Variants in DDX46 observed in about 807,000 individuals in gnomAD.
DDX46 encodes the protein probable ATP-dependent RNA helicase DDX46.
DDX46 carries 30 observed loss-of-function variants against 134.9 expected under a neutral mutation model. The observed-to-expected ratio is 0.22, with a 90% CI of 0.17 to 0.30. The LOEUF (loss-of-function observed/expected upper bound fraction) is 0.30, where lower values mean the gene tolerates loss of function less well. Among genes scored for constraint, DDX46 ranks in the 10% least tolerant of loss-of-function variants. The pLI is 1.00. For missense variants in DDX46, 622 were observed against 1,248.7 expected (o/e 0.50, Z 7.56); for synonymous variants, 415 against 404.1 (o/e 1.03, Z -0.32).
In DDX46 at chr5:134,830,213, A is replaced by G. The variant is rs1308540836; in HGVS notation, c.*1507A>G. Reference sequence around the variant, plus strand: ...AAAAAGAATGTAAAATTTTAAAAATACAGTTTAACAGCTGTAAAAGTTTTA... The same window carrying G: ...AAAAAGAATGTAAAATTTTAAAAATGCAGTTTAACAGCTGTAAAAGTTTTA... On this transcript the variant is annotated 3_prime_UTR_variant, in exon 23 of 23. Coordinates refer to ENST00000452510, the MANE Select transcript of DDX46 (RefSeq NM_001300860.2). 2 of 151,984 alleles carry G rather than the reference A, an allele frequency of 1.3e-5. No individual in the cohort carries two copies. The highest frequency in any genetic ancestry group is 2.9e-5 in the Non-Finnish European group (2 of 67,978). 9.4% of individuals were successfully genotyped at this position (151,984 alleles called of 1,614,324 possible).
intron 15 of DDX46, chr5:134,797,197 A>AAAAAAAAAC: frequency 3.7e-6 from 1 of 269,810 alleles, no homozygotes; most frequent in South Asian, 3.8e-5. Flanking sequence ...AAAAAAAAAA[A>AAAAAAAAAC]CACAAAACAC....
chr5:134,793,995 G>A (rs1754580298), intron 13 of DDX46, among the ~76,000 whole-genome samples: 1 of 152,074 alleles, frequency 6.6e-6, no homozygotes, highest in Non-Finnish European at 1.5e-5. Context: ...AAAAATTAAG[G>A]CAGAGGGAAG....
chr5:134,792,993 A>C (rs1754548093), intron 13 of DDX46, among the ~76,000 whole-genome samples: 1 of 151,960 alleles, frequency 6.6e-6, no homozygotes, highest in Non-Finnish European at 1.5e-5. Flanking sequence ...TCGTCTCTAC[A>C]AAAAAATATA....
At chr5:134,778,294 A>G (rs1754011940) in intron 6 of DDX46, among the ~76,000 whole-genome samples, 2 of 152,286 alleles carry the variant, frequency 1.3e-5, no homozygotes, top group East Asian at 1.9e-4. Context: ...CTTGGATTAC[A>G]GGCATGAGCC....
rs1753986926 is a variant in DDX46, at chr5:134,777,622, A to C, written c.662A>C (p.Glu221Ala). Residue 221 changes from glutamate to alanine, a missense_variant, in exon 6 of 23, where the codon GAG (glutamate) becomes GCG (alanine). This residue lies in a region of DDX46 where 244 missense variants were observed against 349.3 expected (regional missense o/e 0.70). Transcript: ENST00000452510. ...GCTGAAAAGGAGGGAAATGAAATGGAGGGTGAGGAGTTAGATCCATTAGAT... is the reference window on the plus strand; with the variant it reads ...GCTGAAAAGGAGGGAAATGAAATGGCGGGTGAGGAGTTAGATCCATTAGAT... ...AEAEKEGNEMEGEELDPLDAY... is the reference protein window; with the variant it reads ...AEAEKEGNEMAGEELDPLDAY... 1.2e-6 allele frequency: 2 copies of C among 1,613,688 alleles called. No homozygotes were observed. Among genetic ancestry groups the C allele is most frequent in the Non-Finnish European group, 1.7e-6 (2 of 1,179,946 alleles).
intron 15 of DDX46, among the ~76,000 whole-genome samples, chr5:134,803,798 G>A (rs1421135829): frequency 2.6e-5 from 4 of 151,836 alleles, no homozygotes; most frequent in Non-Finnish European, 5.9e-5. Context: ...TAGTAAGGAA[G>A]TTGTTTCCCG....
chr5:134,781,884 T>C, intron 7 of DDX46, 37 bp from the exon 8 acceptor site: 2 of 1,573,440 alleles, frequency 1.3e-6, no homozygotes, highest in South Asian at 1.2e-5. Context: ...AAAATAGTAA[T>C]GAACTTAGCG....
intron 18 of DDX46, among the ~76,000 whole-genome samples, chr5:134,816,210 T>A (rs1755284694): frequency 6.6e-6 from 1 of 152,196 alleles, no homozygotes; most frequent in African/African-American, 2.4e-5. Context: ...TGTTTTCTAT[T>A]TTTCTCCCTA....
At chr5:134,815,124 C>T (rs540351000) in intron 18 of DDX46, among the ~76,000 whole-genome samples, 1 of 152,296 alleles carries the variant, frequency 6.6e-6, no homozygotes, top group East Asian at 1.9e-4. Flanking sequence ...CTAGTGCACG[C>T]TGTGGTCCTA....
chr5:134,809,056 T>C (rs975822219), intron 16 of DDX46, among the ~76,000 whole-genome samples: 4 of 152,206 alleles, frequency 2.6e-5, no homozygotes, highest in African/African-American at 9.6e-5. Context: ...TACTCTATTT[T>C]ATAGATGAGA....
intron 13 of DDX46, among the ~76,000 whole-genome samples, chr5:134,792,524 A>C (rs947434898): frequency 1.3e-5 from 2 of 152,212 alleles, no homozygotes; most frequent in African/African-American, 4.8e-5. Context: ...GATGGAACAC[A>C]GTCACATGCC....
intron 12 of DDX46, among the ~76,000 whole-genome samples, chr5:134,789,654 T>G (rs3804450): frequency 6.6e-6 from 1 of 152,150 alleles, no homozygotes; most frequent in East Asian, 1.9e-4. Flanking sequence ...TAATTTTACC[T>G]TTTTCTCTTA....
intron 7 of DDX46, 83 bp downstream of exon 7, chr5:134,781,329 A>C: frequency 1.9e-6 from 2 of 1,065,586 alleles, no homozygotes; most frequent in Non-Finnish European, 1.4e-6. Flanking sequence ...TGTGCGTTTC[A>C]TTTGTGTGAG....
At chr5:134,776,117 C>T (rs1436491445) in intron 5 of DDX46, among the ~76,000 whole-genome samples, 12 of 152,158 alleles carry the variant, frequency 7.9e-5, no homozygotes, top group African/African-American at 2.2e-4. Context: ...AGAGGCTGGG[C>T]GCGCTGGTGC....
chr5:134,788,115 CTA>C (rs1754395445), intron 11 of DDX46, among the ~76,000 whole-genome samples: 1 of 151,148 alleles, frequency 6.6e-6, no homozygotes, highest in Admixed American at 6.6e-5. Flanking sequence ...AAACACTAGT[CTA>C]TGTGGTCACT....
At chr5:134,804,885 G>A (rs1561868792) in intron 15 of DDX46, 2 of 376,114 alleles carry the variant, frequency 5.3e-6, no homozygotes, top group East Asian at 1.2e-4. Flanking sequence ...TAACACACAT[G>A]GAACCACCAT....
chr5:134,812,346 T>C (rs1420053828), intron 18 of DDX46, among the ~76,000 whole-genome samples: 1 of 152,134 alleles, frequency 6.6e-6, no homozygotes, highest in South Asian at 2.1e-4. Flanking sequence ...ATTACAGGCG[T>C]GAGCCACCTC....
chr5:134,826,925 A>G, intron 21 of DDX46, 22 bp from the exon 22 acceptor site: 1 of 1,608,560 alleles, frequency 6.2e-7, no homozygotes, highest in Non-Finnish European at 8.5e-7. Flanking sequence ...TTTGAATAAT[A>G]TGCTTTCCAC....
intron 12 of DDX46, 177 bp from the exon 13 acceptor site, chr5:134,790,293 A>G (rs1754464877): frequency 1.6e-6 from 1 of 637,198 alleles, no homozygotes; most frequent in Non-Finnish European, 2.8e-6. Flanking sequence ...TTGCCACTAG[A>G]TTAAGACATT....
Sources: allele counts gnomAD v4.1 joint callset (sites outside exome capture counted in the v4.1 genomes callset), GRCh38; gene constraint gnomAD v4.1.1; regional missense constraint gnomAD v4.1.1; transcripts MANE v1.5; gene names NCBI Gene and HGNC (gene_info 2026-07-23, HGNC 2026-07-21).